SMARCC2: variants seen among roughly 807,000 people sequenced by gnomAD.
SMARCC2 encodes SWI/SNF complex subunit SMARCC2.
A neutral mutation model predicts 151.3 loss-of-function variants in SMARCC2; 15 were observed. That is an observed-to-expected ratio of 0.10 (90% CI 0.07 to 0.15). The LOEUF is 0.15. Ranked by LOEUF, SMARCC2 falls within the 10% of genes least tolerant of loss-of-function variation. The probability of loss-of-function intolerance (pLI) is 1.00; values close to 1 mark genes in which losing one functional copy is unlikely to be tolerated. For missense variants in SMARCC2, 1,031 were observed against 1,599.7 expected (o/e 0.64, Z 6.06); for synonymous variants, 590 against 609.5 (o/e 0.97, Z 0.47).
chr12:56,165,636 A>T lies in SMARCC2; in HGVS notation c.2914T>A (p.Tyr972Asn). The change falls in exon 27 of 29, where the codon TAT (tyrosine) becomes AAT (asparagine). Residue 972 changes from tyrosine to asparagine, a missense_variant. By Grantham distance (143) the Tyr-to-Asn change is moderately radical. Around this residue, in one of 12 missense-constraint regions of SMARCC2, gnomAD observed 49 missense variants for 134.8 expected, o/e 0.36. Transcript: ENST00000550164. ...TGCTGCCGAGCCCTCATCTCCGCAT[A>T]CTTCAGCTGCTCCATGTGGAAGGCT... ...RQAFHMEQLK[Y>N]AEMRARQQHF... 6.2e-7 allele frequency: 1 copy of T among 1,613,506 alleles called. No homozygotes were observed. Among genetic ancestry groups the T allele is most frequent in the South Asian group, 1.1e-5 (1 of 91,086 alleles).
chr12:56,180,736 T>A (rs954842260), intron 11 of SMARCC2, among the ~76,000 whole-genome samples: 1 of 152,146 alleles, frequency 6.6e-6, no homozygotes, highest in African/African-American at 2.4e-5. Context: ...CAGAAACACA[T>A]AATCAAAGAG....
Position 56,164,190 on chromosome 12 carries a change from T to G in SMARCC2, c.3661+113A>C, listed in dbSNP as rs959614506. The G allele has an allele frequency of 6.8e-5, 65 of 952,534 alleles. No individual in the cohort carries two copies. The African/African-American group carries it at 1.1e-3, about 16-fold the overall frequency. The allele number at this position is 952,534 out of a possible 1,614,324, so 59.0% of individuals were successfully genotyped here. ...CTGTATTCTAATTTTACCAGAGTGT[T>G]CAAAAAGGATTGTGGAAACTCTAAT... On this transcript the variant is annotated intron_variant, in intron 28 of 28. Transcript: ENST00000550164.
intron 26 of SMARCC2, among the ~76,000 whole-genome samples, chr12:56,166,850 G>A (rs1467135871): frequency 6.6e-6 from 1 of 152,084 alleles, no homozygotes; most frequent in Non-Finnish European, 1.5e-5. Context: ...GATCACCTGA[G>A]GTCAGGAGTT....
At position 56,178,300 on chromosome 12, in the gene SMARCC2, T is replaced by C; in HGVS notation, c.1310+104A>G. On this transcript the variant is annotated intron_variant, in intron 14 of 28. Coordinates refer to ENST00000550164, the MANE Select transcript of SMARCC2 (RefSeq NM_001330288.2). ...TAAAGTGTACTCTGGTCTATTTGGG[T>C]GAGGAAAAAATAACTTATTTGGAGG... 2.2e-6 allele frequency: 3 copies of C among 1,359,516 alleles called. No individual in the cohort carries two copies. In the Admixed American group the frequency reaches 5.2e-5, roughly 23 times the overall value. 84.2% of individuals were successfully genotyped at this position (1,359,516 alleles called of 1,614,324 possible). A position where few individuals can be genotyped will look rare whatever the true frequency, so the allele number is the denominator to read the frequency against.
In SMARCC2 at chr12:56,183,654, C is replaced by T. The variant is rs1476767786; in HGVS notation, c.632+207G>A. On this transcript the variant is annotated intron_variant, in intron 7 of 28. Transcript: ENST00000550164. ...AAATGATGCTGGGATAATCAATTCA[C>T]ACATAAAGCCTCAATCCTTTTAGCC... 7.0e-5 allele frequency: 34 copies of T among 483,200 alleles called. No individual in the cohort carries two copies. In the South Asian group the frequency reaches 8.1e-4, roughly 12 times the overall value. The allele number at this position is 483,200 out of a possible 1,614,324, so 29.9% of individuals were successfully genotyped here.
chr12:56,164,336 C>G lies in SMARCC2; in HGVS notation c.3628G>C (p.Gly1210Arg). 6.2e-7 allele frequency: 1 copy of G among 1,613,472 alleles called. No individual in the cohort carries two copies. The highest frequency in any genetic ancestry group is 8.5e-7 in the Non-Finnish European group (1 of 1,179,984). ...GGGCTGGCACTGGGCAGGAGGTTGC[C>G]CTGAACAGCTGCCACAATGGCAGGG... ...QSPAIVAAVQ[G>R]NLLPSASPLP... Residue 1210 changes from glycine (G) to arginine (R), a missense_variant, in exon 28 of 29, where the codon GGC becomes CGC. By Grantham distance (125) the Gly-to-Arg change is moderately radical. Coordinates refer to ENST00000550164, the MANE Select transcript of SMARCC2 (RefSeq NM_001330288.2).
At chr12:56,168,809 A>G (rs954480213) in intron 25 of SMARCC2, among the ~76,000 whole-genome samples, 1 of 152,108 alleles carries the variant, frequency 6.6e-6, no homozygotes, top group Non-Finnish European at 1.5e-5. Flanking sequence ...GTGAAACCCC[A>G]TCTCTGCTAA....
intron 26 of SMARCC2, 126 bp downstream of exon 26, chr12:56,167,934 T>G: frequency 9.2e-7 from 1 of 1,089,468 alleles, no homozygotes; most frequent in Non-Finnish European, 1.3e-6. Flanking sequence ...CACTGTTGCT[T>G]ATCTCTCTTT....
At chr12:56,178,693 G>T in intron 13 of SMARCC2, 117 bp downstream of exon 13, 2 of 1,446,940 alleles carry the variant, frequency 1.4e-6, no homozygotes, top group Non-Finnish European at 1.9e-6. Context: ...TTTGAACAAA[G>T]CTGGAATTAG....
chr12:56,174,772 G>A lies in SMARCC2; in HGVS notation c.1383-8C>T, dbSNP rs375562619. On this transcript the variant is annotated splice_polypyrimidine_tract_variant and splice_region_variant and intron_variant, in intron 15 of 28. Coordinates refer to ENST00000550164, the MANE Select transcript of SMARCC2 (RefSeq NM_001330288.2). ...TTTCGATAGGCCAGGTAGCTTAGAA[G>A]AAAGAGAGAGAGAAACAAGAAGAAG... is the stretch of plus-strand genomic sequence containing the variant. The A allele has an allele frequency of 3.3e-6, 5 of 1,529,212 alleles. No homozygotes were observed. In the African/African-American group the frequency reaches 6.9e-5, roughly 21 times the overall value. The allele number at this position is 1,529,212 out of a possible 1,614,324, so 94.7% of individuals were successfully genotyped here. A position where few individuals can be genotyped will look rare whatever the true frequency, so the allele number is the denominator to read the frequency against.
Position 56,181,271 on chromosome 12 carries a change from TA to T in SMARCC2, c.957-171del, listed in dbSNP as rs1258020984. On this transcript the variant is annotated intron_variant, in intron 10 of 28. Coordinates refer to ENST00000550164, the MANE Select transcript of SMARCC2 (RefSeq NM_001330288.2). The stretch of plus-strand genomic sequence containing the variant: ...GAAGTGGCAAAGGCTTTTCACTTGA[TA>T]AAGCTCTCTTTAAATGTACTAGTGG... 1.6e-5 allele frequency: 11 copies of T among 691,456 alleles called. No homozygotes were observed. The African/African-American group carries it at 2.0e-4, about 12-fold the overall frequency. The allele number at this position is 691,456 out of a possible 1,614,324, so 42.8% of individuals were successfully genotyped here.
At chr12:56,179,452 AAACAT>A (rs1241457178) in intron 11 of SMARCC2, among the ~76,000 whole-genome samples, 1 of 152,174 alleles carries the variant, frequency 6.6e-6, no homozygotes, top group Non-Finnish European at 1.5e-5. Flanking sequence ...GCTCAGGAGC[AAACAT>A]AGAGAAGAGA....
chr12:56,189,299 G>C, intron 1 of SMARCC2, 52 bp downstream of exon 1: 2 of 1,185,512 alleles, frequency 1.7e-6, no homozygotes, highest in East Asian at 3.0e-5. Flanking sequence ...GCAGGGCCGC[G>C]GTCCCTTTGT....
At position 56,165,620 on chromosome 12, in the gene SMARCC2, G is replaced by T; in HGVS notation, c.2930C>A (p.Ala977Asp). 1 of 1,613,692 alleles carries T rather than the reference G, an allele frequency of 6.2e-7. No homozygotes were observed. Residue 977 changes from alanine to aspartate, a missense_variant, in exon 27 of 29, where the codon GCT (alanine) becomes GAT (aspartate). By Grantham distance (126) the Ala-to-Asp change is moderately radical (BLOSUM62 -2). This residue lies in a region of SMARCC2 where 49 missense variants were observed against 134.8 expected (regional missense o/e 0.36). Transcript: ENST00000550164. ...MEQLKYAEMRARQQHFQQMHQ... is the reference protein window; with the variant it reads ...MEQLKYAEMRDRQQHFQQMHQ... ...CATCTGTTGGAAGTGCTGCTGCCGA[G>T]CCCTCATCTCCGCATACTTCAGCTG...
intron 11 of SMARCC2, among the ~76,000 whole-genome samples, chr12:56,180,693 C>A (rs1478637034): frequency 6.6e-6 from 1 of 152,148 alleles, no homozygotes; most frequent in African/African-American, 2.4e-5. Context: ...CATAAGCCAC[C>A]GTGCCTGGCC....
intron 5 of SMARCC2, 47 bp downstream of exon 5, chr12:56,184,797 A>G (rs781583240): frequency 8.7e-7 from 1 of 1,154,254 alleles, no homozygotes. Context: ...AAACACTGGG[A>G]AAACAGTCAT....
intron 25 of SMARCC2, 59 bp from the exon 26 acceptor site, chr12:56,168,253 GAAGA>G: frequency 6.3e-7 from 1 of 1,598,218 alleles, no homozygotes; most frequent in Non-Finnish European, 8.6e-7. Context: ...AGACAATACA[GAAGA>G]AAGGTAGGGT....
chr12:56,172,079 C>T (rs1486543213), intron 20 of SMARCC2, 142 bp from the exon 21 acceptor site: 1 of 685,466 alleles, frequency 1.5e-6, no homozygotes, highest in Non-Finnish European at 2.4e-6. Flanking sequence ...CAAGGGGGAT[C>T]TTGAAGTAGC....
rs758047236 is a variant in SMARCC2, at chr12:56,182,012, G to A, written c.700C>T (p.Pro234Ser). ...ATACAAGAAAAGCTCACCTTCCTAG[G>A]TTTCTCAGGAGTTGGAGCATCTTCC... ...SVEDAPTPEK[P>S]RKVHAKWILD... Residue 234 changes from proline to serine, a missense_variant, in exon 8 of 29, where the codon CCT becomes TCT. Pro to Ser is a moderately conservative substitution (Grantham distance 74). Coordinates refer to ENST00000550164, the MANE Select transcript of SMARCC2 (RefSeq NM_001330288.2). 9 of 1,611,284 alleles carry A rather than the reference G, an allele frequency of 5.6e-6. No individual in the cohort carries two copies. In the East Asian group the frequency reaches 1.6e-4, roughly 28 times the overall value.
Sources: allele counts gnomAD v4.1 joint callset (sites outside exome capture counted in the v4.1 genomes callset), GRCh38; gene constraint gnomAD v4.1.1; regional missense constraint gnomAD v4.1.1; transcripts MANE v1.5; gene names NCBI Gene and HGNC (gene_info 2026-07-23, HGNC 2026-07-21).